Variants in GAREM1 observed in about 807,000 individuals in gnomAD.
GAREM1 encodes the protein GRB2-associated and regulator of MAPK protein 1.
Under a neutral mutation model 71.3 loss-of-function variants are expected in GAREM1, and 26 were observed. The observed-to-expected ratio is 0.36, with a 90% CI of 0.27 to 0.51. The LOEUF is 0.51. Among genes scored for constraint, GAREM1 ranks in the 20% least tolerant of loss-of-function variants. GAREM1 has a pLI of 0.95. For missense variants in GAREM1, 1,026 were observed against 1,103.1 expected, an observed-to-expected ratio of 0.93 and a Z score of 0.99; for synonymous variants, 440 against 433.2, an observed-to-expected ratio of 1.02 and a Z score of -0.20.
chr18:32,392,821 T>C, intron 2 of GAREM1, 74 bp downstream of exon 2: 1 of 1,504,916 alleles, frequency 6.6e-7, no homozygotes, highest in Middle Eastern at 1.7e-4. Context: ...TACAGACAAT[T>C]CTTAGAGGAA....
At position 32,393,197 on chromosome 18, in the gene GAREM1, A is replaced by T. The variant is rs544885706; in HGVS notation, c.122-162T>A. 3.1e-3 allele frequency among the ~76,000 whole-genome samples: 455 copies of T among 146,824 alleles called. 3 individuals carry two copies. Among genetic ancestry groups the T allele is most frequent in the East Asian group, 3.0e-3 (15 of 5,076 alleles). On this transcript the variant is annotated intron_variant, in intron 1 of 5. Transcript: ENST00000269209. ...TCTGAATTGTTTTTTTTTTTTTTTT[A>T]AAAAAGGGTATTCCACACCAAGCTG...
intron 1 of GAREM1, among the ~76,000 whole-genome samples, chr18:32,435,048 C>T (rs771733313): frequency 9.9e-5 from 15 of 152,036 alleles, no homozygotes; most frequent in Admixed American, 7.9e-4. Flanking sequence ...CAGATCTTTC[C>T]CAATAATACA....
intron 2 of GAREM1, among the ~76,000 whole-genome samples, chr18:32,358,570 T>C (rs915744535): frequency 6.6e-6 from 1 of 152,094 alleles, no homozygotes; most frequent in Non-Finnish European, 1.5e-5. Context: ...CATAATTAAT[T>C]AGAATTAAAA....
intron 3 of GAREM1, among the ~76,000 whole-genome samples, chr18:32,292,078 C>T (rs1402459477): frequency 6.6e-6 from 1 of 152,184 alleles, no homozygotes; most frequent in African/African-American, 2.4e-5. Context: ...CTGTCTTCCA[C>T]AATGGTTGAA....
chr18:32,341,748 G>A (rs73956890), intron 2 of GAREM1, among the ~76,000 whole-genome samples: 8,072 of 152,232 alleles, frequency 0.053, 227 homozygotes, highest in South Asian at 0.07. Flanking sequence ...GCGGGGAGAG[G>A]TGGAATGGAG....
intron 3 of GAREM1, among the ~76,000 whole-genome samples, chr18:32,294,318 C>T (rs945385659): frequency 5.3e-5 from 8 of 151,942 alleles, no homozygotes; most frequent in Non-Finnish European, 5.9e-5. Context: ...GAGTGGAGTC[C>T]GGGGAAATGG....
intron 2 of GAREM1, among the ~76,000 whole-genome samples, chr18:32,317,007 C>T (rs2047383947): frequency 6.6e-6 from 1 of 152,168 alleles, no homozygotes; most frequent in African/African-American, 2.4e-5. Context: ...AGCAGCTGTG[C>T]TCCAGAAAAC....
chr18:32,320,911 A>G (rs1301855595), intron 2 of GAREM1, among the ~76,000 whole-genome samples: 1 of 152,224 alleles, frequency 6.6e-6, no homozygotes. Context: ...GAAAGGTCTT[A>G]GATTGAACAT....
chr18:32,446,899 C>T (rs528511979), intron 1 of GAREM1, among the ~76,000 whole-genome samples: 2 of 152,194 alleles, frequency 1.3e-5, no homozygotes, highest in African/African-American at 4.8e-5. Flanking sequence ...AAAATCCAGC[C>T]GTGGTGAGTG....
intron 2 of GAREM1, among the ~76,000 whole-genome samples, chr18:32,353,840 GAAGAAGGAGAA>G (rs1424591080): frequency 2.0e-5 from 3 of 152,098 alleles, no homozygotes; most frequent in Non-Finnish European, 4.4e-5. Flanking sequence ...GACTTAATAG[GAAGAAGGAGAA>G]GAGAAGGAAG....
At chr18:32,361,444 A>G (rs1324924350) in intron 2 of GAREM1, among the ~76,000 whole-genome samples, 2 of 152,230 alleles carry the variant, frequency 1.3e-5, no homozygotes, top group Non-Finnish European at 2.9e-5. Flanking sequence ...TTTTGCCTCA[A>G]TGAAATTAAG....
chr18:32,271,594 A>G (rs764395004), intron 4 of GAREM1, among the ~76,000 whole-genome samples: 1 of 152,206 alleles, frequency 6.6e-6, no homozygotes, highest in Non-Finnish European at 1.5e-5. Flanking sequence ...CATTTCTAAC[A>G]AGTTCCTAGG....
At chr18:32,300,623 T>C (rs1378010478) in intron 3 of GAREM1, among the ~76,000 whole-genome samples, 2 of 152,074 alleles carry the variant, frequency 1.3e-5, no homozygotes, top group Non-Finnish European at 2.9e-5. Context: ...GAAAGTAACA[T>C]AGGCGGGGCG....
At chr18:32,422,767 T>C (rs572321275) in intron 1 of GAREM1, among the ~76,000 whole-genome samples, 8 of 152,342 alleles carry the variant, frequency 5.3e-5, no homozygotes, top group African/African-American at 1.9e-4. Flanking sequence ...CATATGAGGT[T>C]GGAGTTTTTT....
At chr18:32,465,203 C>A (rs1035177954) in intron 1 of GAREM1, among the ~76,000 whole-genome samples, 25 of 151,910 alleles carry the variant, frequency 1.6e-4, no homozygotes, top group African/African-American at 6.1e-4. Context: ...AAGATGAACA[C>A]CGAACATCTT....
At position 32,267,233 on chromosome 18, in the gene GAREM1, G is replaced by A. The variant is rs902760279; in HGVS notation, c.*638C>T. 2 of 152,152 alleles carry A rather than the reference G, an allele frequency of 1.3e-5. No homozygotes were observed. Among genetic ancestry groups the A allele is most frequent in the African/African-American group, 4.8e-5 (2 of 41,424 alleles). The allele number at this position is 152,152 out of a possible 1,614,324, so 9.4% of individuals were successfully genotyped here. On this transcript the variant is annotated 3_prime_UTR_variant, in exon 6 of 6. Coordinates refer to ENST00000269209, the MANE Select transcript of GAREM1 (RefSeq NM_001242409.2). ...TTTTCTCTGCTCAATAAAATTAGCA[G>A]CAGTTACAGATAAATTATTGTGGTC...
chr18:32,364,024 ATATG>A (rs2047901610), intron 2 of GAREM1, among the ~76,000 whole-genome samples: 2 of 52,224 alleles, frequency 3.8e-5, no homozygotes, highest in African/African-American at 3.0e-4. Context: ...ATATATATAT[ATATG>A]TTTTTTTTTT....
chr18:32,302,166 T>C (rs945748443), intron 3 of GAREM1, among the ~76,000 whole-genome samples: 4 of 152,214 alleles, frequency 2.6e-5, no homozygotes, highest in Non-Finnish European at 5.9e-5. Flanking sequence ...CTGGATTGTA[T>C]TAGGAGACCT....
At position 32,268,096 on chromosome 18, in the gene GAREM1, C is replaced by A; in HGVS notation, c.2406G>T (p.Trp802Cys). ...APRSCGDGSP[W>C]QPPADLSGLS... ...GTCCTGATAGGTCAGCAGGTGGCTG[C>A]CATGGGGAACCGTCGCCACAGGATC... is the stretch of plus-strand genomic sequence containing the variant. Residue 802 changes from tryptophan (W) to cysteine (C), a missense_variant, in exon 6 of 6, where the codon TGG (tryptophan) becomes TGT (cysteine). Trp to Cys is a radical substitution (Grantham distance 215). Transcript: ENST00000269209. 1.9e-6 allele frequency: 3 copies of A among 1,614,056 alleles called. No individual in the cohort carries two copies. The highest frequency in any genetic ancestry group is 2.5e-6 in the Non-Finnish European group (3 of 1,180,014).
Sources: allele counts gnomAD v4.1 joint callset (sites outside exome capture counted in the v4.1 genomes callset), GRCh38; gene constraint gnomAD v4.1.1; transcripts MANE v1.5; gene names NCBI Gene and HGNC (gene_info 2026-07-23, HGNC 2026-07-21).